The following DLGAP1 variants were observed in gnomAD, a reference collection of about 807,000 sequenced individuals.
The protein encoded by DLGAP1 is disks large-associated protein 1.
DLGAP1 carries 11 observed loss-of-function variants against 90.8 expected under a neutral mutation model. That is an observed-to-expected ratio of 0.12 (90% CI 0.08 to 0.20). The LOEUF (loss-of-function observed/expected upper bound fraction) is 0.20, where lower values mean the gene tolerates loss of function less well. Ranked by LOEUF, DLGAP1 falls within the 10% of genes least tolerant of loss-of-function variation. The probability of loss-of-function intolerance (pLI) is 1.00; values close to 1 mark genes in which losing one functional copy is unlikely to be tolerated. For synonymous variants in DLGAP1, 558 were observed against 540.7 expected (o/e 1.03, Z -0.44); for missense variants, 1,050 against 1,333.8 (o/e 0.79, Z 3.31).
intron 3 of DLGAP1, among the ~76,000 whole-genome samples, chr18:3,966,313 T>G (rs568036107): frequency 6.6e-6 from 1 of 152,182 alleles, no homozygotes; most frequent in East Asian, 2.0e-4. Flanking sequence ...AGTGCTCTAT[T>G]TGCCTTAAGA....
intron 7 of DLGAP1, among the ~76,000 whole-genome samples, chr18:3,628,665 T>C (rs963327921): frequency 2.0e-5 from 3 of 152,238 alleles, no homozygotes; most frequent in African/African-American, 7.2e-5. Context: ...GCCTTTAGTA[T>C]TTCTGCATGC....
intron 4 of DLGAP1, among the ~76,000 whole-genome samples, chr18:3,830,053 G>A (rs1391265773): frequency 6.6e-6 from 1 of 152,168 alleles, no homozygotes; most frequent in African/African-American, 2.4e-5. Context: ...TGAGTGTAAA[G>A]ACCATCTCCT....
intron 7 of DLGAP1, among the ~76,000 whole-genome samples, chr18:3,695,458 G>T (rs1466868424): frequency 6.6e-6 from 1 of 152,158 alleles, no homozygotes; most frequent in Non-Finnish European, 1.5e-5. Context: ...ATTAAACAGG[G>T]AATCCTTTCC....
intron 7 of DLGAP1, among the ~76,000 whole-genome samples, chr18:3,671,666 T>C (rs1340309012): frequency 6.6e-6 from 1 of 152,212 alleles, no homozygotes; most frequent in Non-Finnish European, 1.5e-5. Context: ...TTAAGTACTT[T>C]TGAAACAGAT....
rs1598938938 is a variant in DLGAP1 at position 3,499,024 on chromosome 18, G to C, written c.*161C>G. 1 of 625,892 alleles carries C rather than the reference G, an allele frequency of 1.6e-6. No homozygotes were observed. The highest frequency in any genetic ancestry group is 3.1e-5 in the East Asian group (1 of 32,076). The allele number at this position is 625,892 out of a possible 1,614,324, so 38.8% of individuals were successfully genotyped here. The stretch of plus-strand genomic sequence containing the variant: ...TACGGGAAGTGGGGGGCTGAGGGGG[G>C]CCCGGGGGGCGGCTCCTGCGAGGTG... On this transcript the variant is annotated 3_prime_UTR_variant, in exon 13 of 13. Coordinates refer to ENST00000315677, the MANE Select transcript of DLGAP1 (RefSeq NM_004746.4). This position sits in a 1 kb window ranked among gnomAD's most constrained non-coding sequence, Gnocchi z 6.4.
At chr18:4,001,768 C>T (rs561607863) in intron 3 of DLGAP1, among the ~76,000 whole-genome samples, 1 of 152,146 alleles carries the variant, frequency 6.6e-6, no homozygotes, top group South Asian at 2.1e-4. Flanking sequence ...ATTAAGGGTC[C>T]CTTTAGGGTC....
Position 3,711,302 on chromosome 18 carries a change from T to A in DLGAP1, c.1591+17833A>T, listed in dbSNP as rs2061589394. Among the ~76,000 whole-genome samples, 1 of 152,226 alleles carries A rather than the reference T, an allele frequency of 6.6e-6. No individual in the cohort carries two copies. Among genetic ancestry groups the A allele is most frequent in the African/African-American group, 2.4e-5 (1 of 41,466 alleles). The stretch of plus-strand genomic sequence containing the variant: ...CTGTAATGACTCCAGTGATCAATGC[T>A]TTCATCATGCAAGTGAATCAGATCA... On this transcript the variant is annotated intron_variant, in intron 7 of 12. Transcript: ENST00000315677. This position sits in a 1 kb window ranked among gnomAD's most constrained non-coding sequence, Gnocchi z 4.0.
intron 7 of DLGAP1, among the ~76,000 whole-genome samples, chr18:3,704,064 A>T (rs1001810272): frequency 6.6e-6 from 1 of 152,246 alleles, no homozygotes; most frequent in Non-Finnish European, 1.5e-5. Flanking sequence ...TGTAAAAACA[A>T]GACAGCAGTG....
Position 3,920,113 on chromosome 18 carries a change from C to A in DLGAP1, c.-72-39973G>T, listed in dbSNP as rs547890060. On this transcript the variant is annotated intron_variant, in intron 3 of 12. Coordinates refer to ENST00000315677, the MANE Select transcript of DLGAP1 (RefSeq NM_004746.4). Reference sequence around the variant, plus strand: ...ATCCTAGCACTTTGGGAGGCCGAGGCGGGCAGATCACTTGAGGTCAGGAGT... The same window carrying A: ...ATCCTAGCACTTTGGGAGGCCGAGGAGGGCAGATCACTTGAGGTCAGGAGT... 8.5e-5 allele frequency among the ~76,000 whole-genome samples: 13 copies of A among 152,128 alleles called. 2 individuals carry two copies. The South Asian group carries it at 2.5e-3, about 29-fold the overall frequency.
At chr18:4,079,280 G>T (rs949612442) in intron 2 of DLGAP1, among the ~76,000 whole-genome samples, 1 of 126,520 alleles carries the variant, frequency 7.9e-6, no homozygotes, top group Non-Finnish European at 1.6e-5. Context: ...AGTAGATAAA[G>T]AAAATGTCAC....
chr18:4,221,127 A>G (rs996434701), intron 1 of DLGAP1, among the ~76,000 whole-genome samples: 2 of 152,106 alleles, frequency 1.3e-5, no homozygotes, highest in Non-Finnish European at 2.9e-5. Flanking sequence ...TACATTTCTC[A>G]GAACGTATTC....
At chr18:3,725,914 T>C (rs572747049) in intron 7 of DLGAP1, among the ~76,000 whole-genome samples, 10 of 152,340 alleles carry the variant, frequency 6.6e-5, no homozygotes, top group Middle Eastern at 3.4e-3. Flanking sequence ...GACTCTTGTC[T>C]GTGATTTCAT....
At chr18:4,289,910 T>G (rs2079804678) in intron 1 of DLGAP1, among the ~76,000 whole-genome samples, 1 of 152,176 alleles carries the variant, frequency 6.6e-6, no homozygotes, top group Admixed American at 6.5e-5. Context: ...CATTCATGTA[T>G]TAAGAGAATT....
At chr18:4,105,326 C>T (rs1185581565) in intron 2 of DLGAP1, among the ~76,000 whole-genome samples, 3 of 152,126 alleles carry the variant, frequency 2.0e-5, no homozygotes, top group East Asian at 1.9e-4. Flanking sequence ...CAAAGTCCTC[C>T]GTGCACACAT....
At chr18:4,356,056 T>C (rs2144039181) in intron 1 of DLGAP1, among the ~76,000 whole-genome samples, 2 of 151,960 alleles carry the variant, frequency 1.3e-5, no homozygotes, top group Middle Eastern at 6.8e-3. Flanking sequence ...TCATCTCCAT[T>C]GCACATCTGT....
intron 7 of DLGAP1, among the ~76,000 whole-genome samples, chr18:3,674,259 T>C (rs368194215): frequency 6.1e-5 from 9 of 146,542 alleles, no homozygotes; most frequent in African/African-American, 1.8e-4. Flanking sequence ...GAGAACAGCC[T>C]GGGCAACAGA....
chr18:4,115,357 C>T (rs2076043686), intron 2 of DLGAP1, among the ~76,000 whole-genome samples: 1 of 149,848 alleles, frequency 6.7e-6, no homozygotes, highest in Non-Finnish European at 1.5e-5. Flanking sequence ...TTTAACAAAA[C>T]TGAGAAAAGA....
At chr18:4,307,142 T>C (rs1226365466) in intron 1 of DLGAP1, among the ~76,000 whole-genome samples, 1 of 152,220 alleles carries the variant, frequency 6.6e-6, no homozygotes, top group Non-Finnish European at 1.5e-5. Context: ...AATGTGTTAA[T>C]GTGCTATAGG....
intron 2 of DLGAP1, among the ~76,000 whole-genome samples, chr18:4,032,451 A>G (rs1269267814): frequency 6.6e-6 from 1 of 152,222 alleles, no homozygotes; most frequent in Non-Finnish European, 1.5e-5. Context: ...AAAAAGAAAA[A>G]TAAGAAAACA....
Sources: gnomAD v4.1 joint callset for allele counts (sites outside exome capture counted in the v4.1 genomes callset) on GRCh38, gnomAD v4.1.1 for gene constraint, Gnocchi (gnomAD v3.1) non-coding constraint, MANE v1.5 for transcripts, NCBI Gene and HGNC (gene_info 2026-07-23, HGNC 2026-07-21) for gene names.